Variants in ZNF676 observed in about 807,000 individuals in gnomAD.
ZNF676 encodes zinc finger protein 676.
Under a neutral mutation model 6.0 loss-of-function variants are expected in ZNF676, and 4 were observed. The observed-to-expected ratio is 0.67, with a 90% CI of 0.33 to 1.53. The LOEUF (loss-of-function observed/expected upper bound fraction) is 1.53, where lower values mean the gene tolerates loss of function less well. ZNF676 is among the 40% of genes most tolerant of loss of function. ZNF676 has a pLI of 0.06. For missense variants in ZNF676, 644 were observed against 679.7 expected, an observed-to-expected ratio of 0.95 and a Z score of 0.58; for synonymous variants, 198 against 223.1, an observed-to-expected ratio of 0.89 and a Z score of 1.00.
chr19:22,239,432 G>A, the ZNF676 span, among the ~76,000 whole-genome samples: 7 of 151,894 alleles, frequency 4.6e-5, no homozygotes, highest in African/African-American at 1.2e-4. Context: ...CGCCCACCTC[G>A]GCCTCCCAAA....
At chr19:22,215,800 C>CA (rs1323704942), upstream of ZNF676, 2 of 577,292 alleles carry the variant, frequency 3.5e-6, no homozygotes, top group Non-Finnish European at 5.3e-6. Context: ...CGACCTGTCC[C>CA]CCCCCCCAGC....
chr19:22,246,442 G>A, the ZNF676 span, among the ~76,000 whole-genome samples: 11 of 152,154 alleles, frequency 7.2e-5, no homozygotes, highest in South Asian at 2.1e-4. Context: ...AAGAGTCCAG[G>A]AAGGGGAGTC....
chr19:22,249,808 A>G, the ZNF676 span, among the ~76,000 whole-genome samples: 1 of 151,896 alleles, frequency 6.6e-6, no homozygotes, highest in Non-Finnish European at 1.5e-5. Context: ...CAAAAATTGC[A>G]GAGTTATTAA....
At chr19:22,237,020 T>C in the ZNF676 span, among the ~76,000 whole-genome samples, 1 of 152,210 alleles carries the variant, frequency 6.6e-6, no homozygotes, top group African/African-American at 2.4e-5. Flanking sequence ...CAGAGAAAAG[T>C]AATTACAAGG....
At chr19:22,202,637 T>C (rs1599716958) in intron 1 of ZNF676, among the ~76,000 whole-genome samples, 1 of 152,232 alleles carries the variant, frequency 6.6e-6, no homozygotes, top group East Asian at 1.9e-4. Context: ...TACATGTGAA[T>C]GTGACATGCA....
At chr19:22,220,776 T>A (rs2024241391), upstream of ZNF676, among the ~76,000 whole-genome samples, 1 of 152,126 alleles carries the variant, frequency 6.6e-6, no homozygotes, top group South Asian at 2.1e-4. Flanking sequence ...TTATTACTAG[T>A]TTAATCTTGC....
the ZNF676 span, among the ~76,000 whole-genome samples, chr19:22,251,145 T>C: frequency 6.6e-6 from 1 of 152,244 alleles, no homozygotes; most frequent in African/African-American, 2.4e-5. Context: ...AAGTCTTTTC[T>C]GATATTCCTT....
At chr19:22,196,511 T>A in intron 1 of ZNF676, 89 bp downstream of exon 1, 1 of 1,603,892 alleles carries the variant, frequency 6.2e-7, no homozygotes, top group Non-Finnish European at 8.5e-7. Context: ...TATTCTCGCA[T>A]TCATCCTCCT....
At chr19:22,248,232 G>A in the ZNF676 span, among the ~76,000 whole-genome samples, 1 of 152,178 alleles carries the variant, frequency 6.6e-6, no homozygotes, top group African/African-American at 2.4e-5. Flanking sequence ...CTTTATAGCA[G>A]CATGATTTAT....
At chr19:22,235,012 GAAA>G in the ZNF676 span, among the ~76,000 whole-genome samples, 1 of 97,500 alleles carries the variant, frequency 1.0e-5, no homozygotes, top group South Asian at 3.8e-4. Flanking sequence ...AAGAAAGAAA[GAAA>G]GAAAGAAAGA....
chr19:22,191,171 GA>G lies in ZNF676; in HGVS notation c.130+1844del, dbSNP rs142103520. Among the ~76,000 whole-genome samples, 275 of 152,260 alleles carry G rather than the reference GA, an allele frequency of 1.8e-3. 9 individuals carry two copies. The East Asian group carries it at 0.038, about 21-fold the overall frequency. On this transcript the variant is annotated intron_variant, in intron 2 of 2. Transcript: ENST00000397121. Reference sequence around the variant, plus strand: ...TTATCTCAAAAATAAGTGCCTTTAAGAGAGCTTTGAGATCCAGTGAGGGAAT... The same window carrying G: ...TTATCTCAAAAATAAGTGCCTTTAAGGAGCTTTGAGATCCAGTGAGGGAAT...
upstream of ZNF676, among the ~76,000 whole-genome samples, chr19:22,200,515 A>AT (rs3035052): frequency 0.18 from 19,408 of 105,314 alleles, 2,340 homozygotes; most frequent in Middle Eastern, 0.29. Context: ...TGCTTCATCA[A>AT]TTTTTTTTTT....
the ZNF676 span, among the ~76,000 whole-genome samples, chr19:22,234,547 C>T: frequency 2.0e-5 from 3 of 152,166 alleles, no homozygotes; most frequent in East Asian, 1.9e-4. Flanking sequence ...CATAGTCAAA[C>T]GTTCAGTTTT....
the ZNF676 span, among the ~76,000 whole-genome samples, chr19:22,241,196 G>C: frequency 6.3e-4 from 96 of 152,076 alleles, 1 homozygote; most frequent in African/African-American, 2.2e-3. Context: ...CTGGGCAGAA[G>C]CATACATCAG....
rs556478193 is a variant in ZNF676 at position 22,209,485 on chromosome 19, A to C, written c.3+6147T>G. Among the ~76,000 whole-genome samples, 14 of 152,226 alleles carry C rather than the reference A, an allele frequency of 9.2e-5. No homozygotes were observed. The South Asian group carries it at 2.3e-3, about 25-fold the overall frequency. On this transcript the variant is annotated intron_variant, in intron 1 of 3. Coordinates refer to the ZNF676 transcript ENST00000650058. ...CATGAACACAGAGGGGAAAAAAGACACTGAGGCCTAGTTGAGGGTGGGAGG... is the reference window on the plus strand; with the variant it reads ...CATGAACACAGAGGGGAAAAAAGACCCTGAGGCCTAGTTGAGGGTGGGAGG...
chr19:22,250,885 T>TCAAGCTA, the ZNF676 span, among the ~76,000 whole-genome samples: 1 of 152,104 alleles, frequency 6.6e-6, no homozygotes, highest in Non-Finnish European at 1.5e-5. Context: ...CTAATATTAG[T>TCAAGCTA]ATTTCATGTC....
the ZNF676 span, among the ~76,000 whole-genome samples, chr19:22,234,957 A>C: frequency 1.4e-5 from 2 of 142,394 alleles, no homozygotes; most frequent in Non-Finnish European, 3.0e-5. Flanking sequence ...AAAGAAAGAA[A>C]GCAAGAGAAA....
chr19:22,190,611 C>T (rs149007928), intron 2 of ZNF676, among the ~76,000 whole-genome samples: 3,279 of 75,050 alleles, frequency 0.044, 107 homozygotes, highest in Admixed American at 0.15. Context: ...AAAAATTAGA[C>T]TAATAAAATA....
At chr19:22,184,850 A>G (rs1280684323) in intron 2 of ZNF676, among the ~76,000 whole-genome samples, 1 of 133,896 alleles carries the variant, frequency 7.5e-6, no homozygotes, top group Non-Finnish European at 1.6e-5. Flanking sequence ...AAAAAAAAAA[A>G]AAGGCAGCAG....
Sources: allele counts gnomAD v4.1 joint callset (sites outside exome capture counted in the v4.1 genomes callset), GRCh38; gene constraint gnomAD v4.1.1; transcripts MANE v1.5; gene names NCBI Gene and HGNC (gene_info 2026-07-23, HGNC 2026-07-21).